PRORP: variants seen among roughly 807,000 people sequenced by gnomAD.
PRORP encodes mitochondrial ribonuclease P catalytic subunit.
In PRORP, 51 loss-of-function variants were observed where a neutral mutation model predicts 59.4. The ratio of observed to expected loss-of-function variants is 0.86; its 90% CI spans 0.69 to 1.08. The LOEUF (loss-of-function observed/expected upper bound fraction) is 1.08. Ranked by LOEUF, PRORP falls within the 50% of genes least tolerant of loss-of-function variation. The pLI, the probability that PRORP is intolerant of heterozygous loss-of-function variation, is 0.00. For missense variants in PRORP, 646 were observed against 690.3 expected, an observed-to-expected ratio of 0.94 and a Z score of 0.72; for synonymous variants, 231 against 245.6, an observed-to-expected ratio of 0.94 and a Z score of 0.55.
intron 5 of PRORP, among the ~76,000 whole-genome samples, chr14:35,202,199 C>T (rs1395851341): frequency 4.0e-5 from 6 of 151,724 alleles, no homozygotes; most frequent in Non-Finnish European, 7.4e-5. Context: ...CCTCGTGATC[C>T]GCTCGCCTCA....
At chr14:35,122,239 G>A (rs964394837), upstream of PRORP, 15 of 447,724 alleles carry the variant, frequency 3.4e-5, no homozygotes, top group Non-Finnish European at 5.8e-5. Context: ...GATTTTAAAG[G>A]CCACGATAAG....
intron 6 of PRORP, among the ~76,000 whole-genome samples, chr14:35,269,591 C>A (rs1372770234): frequency 1.3e-5 from 2 of 152,146 alleles, no homozygotes; most frequent in African/African-American, 4.8e-5. Context: ...CCAACAATTA[C>A]CATCATTTTG....
In PRORP at chr14:35,127,598, A is replaced by G; in HGVS notation, c.1154A>G (p.Lys385Arg). The G allele has an allele frequency of 2.5e-6, 4 of 1,614,120 alleles. No individual in the cohort carries two copies. The highest frequency in any genetic ancestry group is 3.4e-6 in the Non-Finnish European group (4 of 1,180,008). Reference protein sequence around the residue: ...DVIDGGDQYRKTTPQELKRFE... With the variant: ...DVIDGGDQYRRTTPQELKRFE... ...ATAGATGGAGGTGACCAGTACAGAA[A>G]GACAACACCTCAGGTGAGTCTAACA... is the stretch of plus-strand genomic sequence containing the variant. Residue 385 changes from lysine to arginine, a missense_variant, in exon 4 of 8, where the codon AAG (lysine) becomes AGG (arginine). Transcript: ENST00000534898.
chr14:35,130,140 T>C (rs1223734760), intron 4 of PRORP, among the ~76,000 whole-genome samples: 3 of 151,476 alleles, frequency 2.0e-5, no homozygotes, highest in African/African-American at 7.3e-5. Flanking sequence ...AAGTGATTCT[T>C]CTGCCTCAGC....
chr14:35,268,123 A>G (rs1443250354), intron 6 of PRORP, among the ~76,000 whole-genome samples: 3 of 152,100 alleles, frequency 2.0e-5, no homozygotes, highest in Non-Finnish European at 4.4e-5. Context: ...CAAGGCAGGC[A>G]GATCACTCAA....
intron 5 of PRORP, among the ~76,000 whole-genome samples, chr14:35,193,587 A>G (rs1396891018): frequency 6.6e-6 from 1 of 151,334 alleles, no homozygotes; most frequent in Non-Finnish European, 1.5e-5. Context: ...CACCTAAGAT[A>G]CAATAAACTA....
intron 4 of PRORP, among the ~76,000 whole-genome samples, chr14:35,161,769 T>C (rs539941306): frequency 2.6e-4 from 39 of 152,312 alleles, no homozygotes; most frequent in African/African-American, 9.4e-4. Context: ...TTCTAAACTA[T>C]CTTTACCTGA....
chr14:35,222,904 A>T (rs2049826490), intron 5 of PRORP, among the ~76,000 whole-genome samples: 1 of 152,112 alleles, frequency 6.6e-6, no homozygotes, highest in Admixed American at 6.5e-5. Context: ...AGAGTCAGTT[A>T]TATTATAATT....
At chr14:35,196,797 G>A (rs943942090) in intron 5 of PRORP, among the ~76,000 whole-genome samples, 3 of 152,106 alleles carry the variant, frequency 2.0e-5, no homozygotes, top group African/African-American at 7.2e-5. Context: ...GCCTTGACAT[G>A]TGTTAAGAGT....
chr14:35,241,333 A>G (rs1183608162), intron 5 of PRORP, among the ~76,000 whole-genome samples: 1 of 152,028 alleles, frequency 6.6e-6, no homozygotes, highest in African/African-American at 2.4e-5. Context: ...AGCTGAGACC[A>G]TGCCACTGCA....
chr14:35,225,345 AT>A (rs555971812), intron 5 of PRORP, among the ~76,000 whole-genome samples: 29 of 151,028 alleles, frequency 1.9e-4, no homozygotes, highest in Middle Eastern at 6.8e-3. Flanking sequence ...CACTTGGTGT[AT>A]TTTTTTTTCT....
chr14:35,176,882 C>T (rs1223136388), intron 4 of PRORP, among the ~76,000 whole-genome samples: 3 of 125,042 alleles, frequency 2.4e-5, no homozygotes, highest in African/African-American at 5.5e-5. Flanking sequence ...GTGGGTTTGT[C>T]ATAAATAGCT....
Position 35,123,218 on chromosome 14 carries a change from C to T in PRORP, c.-28C>T. ...AGAGGGGTTTTTTCAACATCTCTCT[C>T]ACTATCTGGTGCTGATCTCACTGCA... On this transcript the variant is annotated 5_prime_UTR_variant, in exon 2 of 8. Transcript: ENST00000534898. 1 of 1,576,452 alleles carries T rather than the reference C, an allele frequency of 6.3e-7. No individual in the cohort carries two copies. Among genetic ancestry groups the T allele is most frequent in the Non-Finnish European group, 8.6e-7 (1 of 1,162,842 alleles).
intron 5 of PRORP, among the ~76,000 whole-genome samples, chr14:35,246,398 T>G (rs1383547767): frequency 6.6e-6 from 1 of 152,158 alleles, no homozygotes; most frequent in Non-Finnish European, 1.5e-5. Context: ...GGTATCTGAG[T>G]CTAGGAATCT....
chr14:35,241,478 A>G (rs1369521383), intron 5 of PRORP, among the ~76,000 whole-genome samples: 1 of 151,866 alleles, frequency 6.6e-6, no homozygotes, highest in Non-Finnish European at 1.5e-5. Flanking sequence ...CTCACATTAT[A>G]TTTCTCTTGG....
intron 4 of PRORP, among the ~76,000 whole-genome samples, chr14:35,152,562 C>A (rs905607352): frequency 2.0e-5 from 3 of 151,390 alleles, no homozygotes; most frequent in Admixed American, 6.6e-5. Context: ...TGGAGGCGCC[C>A]CCCACCTCCC....
chr14:35,270,052 A>G (rs8016140), intron 6 of PRORP, among the ~76,000 whole-genome samples: 21,550 of 152,134 alleles, frequency 0.14, 2,786 homozygotes, highest in African/African-American at 0.33. Context: ...AGAGAGAGGG[A>G]AAAGGTGTGC....
intron 5 of PRORP, among the ~76,000 whole-genome samples, chr14:35,203,414 C>A (rs925225722): frequency 6.6e-6 from 1 of 152,128 alleles, no homozygotes; most frequent in African/African-American, 2.4e-5. Context: ...GTATTCCCAG[C>A]TACTTGGGAG....
chr14:35,219,301 C>T (rs973544641), intron 5 of PRORP: 1 of 152,192 alleles, frequency 6.6e-6, no homozygotes, highest in Admixed American at 6.5e-5. Context: ...GTGGCCGAGC[C>T]CCTTAGGACT....
Sources: allele counts gnomAD v4.1 joint callset (sites outside exome capture counted in the v4.1 genomes callset), GRCh38; gene constraint gnomAD v4.1.1; transcripts MANE v1.5; gene names NCBI Gene and HGNC (gene_info 2026-07-23, HGNC 2026-07-21).